The following BTRC variants were observed in gnomAD, a reference collection of about 807,000 sequenced individuals.
The protein encoded by BTRC is F-box/WD repeat-containing protein 1A.
A neutral mutation model predicts 85.5 loss-of-function variants in BTRC; 42 were observed. That is an observed-to-expected ratio of 0.49 (90% CI 0.38 to 0.64). BTRC has a LOEUF of 0.64. Among genes scored for constraint, BTRC ranks in the 30% least tolerant of loss-of-function variants. The probability of loss-of-function intolerance (pLI) is 0.00; values close to 1 mark genes in which losing one functional copy is unlikely to be tolerated. For missense variants in BTRC, 594 were observed against 743.5 expected (o/e 0.80, Z 2.34); for synonymous variants, 255 against 263.3 (o/e 0.97, Z 0.30).
intron 1 of BTRC, among the ~76,000 whole-genome samples, chr10:101,379,444 C>A (rs1942874046): frequency 6.6e-6 from 1 of 152,044 alleles, no homozygotes; most frequent in Middle Eastern, 3.2e-3. Context: ...TCATTTAGAC[C>A]TGTTCTTTTT....
chr10:101,394,938 T>C (rs1276533691), intron 1 of BTRC, among the ~76,000 whole-genome samples: 2 of 152,174 alleles, frequency 1.3e-5, no homozygotes, highest in Non-Finnish European at 2.9e-5. Flanking sequence ...TTACCAAGAA[T>C]GCTAGGACAT....
chr10:101,502,890 C>T (rs1262001130), intron 4 of BTRC, among the ~76,000 whole-genome samples: 1 of 152,124 alleles, frequency 6.6e-6, no homozygotes, highest in Non-Finnish European at 1.5e-5. Context: ...AAGCATTAAG[C>T]TAATTATAAT....
chr10:101,430,482 C>T (rs112007824), intron 2 of BTRC, 30 bp downstream of exon 2: 46 of 1,572,044 alleles, frequency 2.9e-5, no homozygotes, highest in African/African-American at 8.1e-5. Context: ...GGGTTATTTG[C>T]GGGCATTAGT....
At chr10:101,440,731 A>T (rs1254384172) in intron 2 of BTRC, among the ~76,000 whole-genome samples, 1 of 152,052 alleles carries the variant, frequency 6.6e-6, no homozygotes, top group African/African-American at 2.4e-5. Context: ...TAAAAAAGAA[A>T]AAAAAAGGCA....
intron 2 of BTRC, among the ~76,000 whole-genome samples, chr10:101,436,625 AATAGATAGATAGATAGATAGATAG>A (rs113369211): frequency 3.4e-5 from 5 of 147,082 alleles, no homozygotes; most frequent in South Asian, 2.2e-4. Context: ...AATTAAAAAA[AATAGATAGATAGATAGATAGATAG>A]ATAGATAGAT....
Position 101,440,232 on chromosome 10 carries a change from T to C in BTRC, c.156+9780T>C, listed in dbSNP as rs1944644898. ...TATGTTTTAAATTACATCTTTTTTT[T>C]CAAGCTATGAGTAGGAGTTTATAAA... On this transcript the variant is annotated intron_variant, in intron 2 of 14. Transcript: ENST00000370187. 2.0e-5 allele frequency among the ~76,000 whole-genome samples: 3 copies of C among 152,206 alleles called. No homozygotes were observed. The South Asian group carries it at 6.2e-4, about 31-fold the overall frequency.
chr10:101,439,253 T>G (rs983139416), intron 2 of BTRC, among the ~76,000 whole-genome samples: 25 of 152,304 alleles, frequency 1.6e-4, no homozygotes, highest in African/African-American at 6.0e-4. Context: ...GCCTGAGCGC[T>G]TCATCCTGGG....
At chr10:101,425,537 G>C (rs940492289) in intron 1 of BTRC, among the ~76,000 whole-genome samples, 1 of 151,990 alleles carries the variant, frequency 6.6e-6, no homozygotes, top group African/African-American at 2.4e-5. Context: ...TGCATGTAAG[G>C]AGTAGGTGAT....
chr10:101,539,050 A>T (rs954119143), intron 13 of BTRC, among the ~76,000 whole-genome samples: 2 of 75,634 alleles, frequency 2.6e-5, no homozygotes, highest in Non-Finnish European at 7.2e-5. Flanking sequence ...ACTCTGTCTT[A>T]AAAAAAAAAA....
chr10:101,536,092 A>G (rs1421602385), intron 11 of BTRC, among the ~76,000 whole-genome samples: 1 of 152,248 alleles, frequency 6.6e-6, no homozygotes, highest in Non-Finnish European at 1.5e-5. Flanking sequence ...TTGCATTTCT[A>G]TTCTCTGAGA....
chr10:101,530,382 A>G (rs927050419), intron 6 of BTRC, among the ~76,000 whole-genome samples: 7 of 152,128 alleles, frequency 4.6e-5, no homozygotes, highest in Admixed American at 4.6e-4. Flanking sequence ...AGCCTGGGTG[A>G]CTGAGCAGCC....
chr10:101,396,334 G>A (rs1377179324), intron 1 of BTRC, among the ~76,000 whole-genome samples: 1 of 150,562 alleles, frequency 6.6e-6, no homozygotes, highest in African/African-American at 2.4e-5. Context: ...ATTTTATACT[G>A]TAAAAGTAGT....
chr10:101,547,421 A>G (rs570663663), intron 13 of BTRC, among the ~76,000 whole-genome samples: 6 of 135,858 alleles, frequency 4.4e-5, no homozygotes, highest in Admixed American at 1.7e-4. Context: ...GCTCACTGCA[A>G]CCTCCACCTC....
chr10:101,486,474 A>G (rs1169515355), intron 4 of BTRC, among the ~76,000 whole-genome samples: 1 of 151,942 alleles, frequency 6.6e-6, no homozygotes, highest in Non-Finnish European at 1.5e-5. Context: ...TAAAAGGGGA[A>G]CAGCAAGAAG....
chr10:101,354,151 C>G (rs1359641927), upstream of BTRC: 1 of 1,547,966 alleles, frequency 6.5e-7, no homozygotes, highest in South Asian at 1.2e-5. Flanking sequence ...GCGGCCCCGG[C>G]GGAGAGCGGA....
chr10:101,507,405 A>G (rs375229486), intron 4 of BTRC, among the ~76,000 whole-genome samples: 7 of 152,344 alleles, frequency 4.6e-5, no homozygotes, highest in Non-Finnish European at 8.8e-5. Context: ...CCATCGATCA[A>G]GTTCACAAGT....
intron 1 of BTRC, among the ~76,000 whole-genome samples, chr10:101,369,019 AAAT>A (rs909638242): frequency 6.6e-6 from 1 of 151,934 alleles, no homozygotes; most frequent in Non-Finnish European, 1.5e-5. Flanking sequence ...ACTCCATCTT[AAAT>A]AATAATAATA....
At chr10:101,538,406 C>G in intron 13 of BTRC, 35 bp downstream of exon 13, 1 of 1,546,614 alleles carries the variant, frequency 6.5e-7, no homozygotes, top group Non-Finnish European at 8.9e-7. Context: ...CATTGGAGAG[C>G]AGGTGGGGGA....
At chr10:101,481,145 T>C (rs1197391805) in intron 4 of BTRC, among the ~76,000 whole-genome samples, 2 of 152,124 alleles carry the variant, frequency 1.3e-5, no homozygotes, top group Non-Finnish European at 2.9e-5. Flanking sequence ...GGTGTCGCTG[T>C]ATTGCCTAGG....
Sources: allele counts gnomAD v4.1 joint callset (sites outside exome capture counted in the v4.1 genomes callset), GRCh38; gene constraint gnomAD v4.1.1; transcripts MANE v1.5; gene names NCBI Gene and HGNC (gene_info 2026-07-23, HGNC 2026-07-21).